The following CARS2 variants were observed in gnomAD, a reference collection of about 807,000 sequenced individuals.
CARS2 encodes probable cysteine--tRNA ligase, mitochondrial.
A neutral mutation model predicts 68.8 loss-of-function variants in CARS2; 52 were observed. That is an observed-to-expected ratio of 0.76 (90% confidence interval 0.61 to 0.95). The LOEUF (loss-of-function observed/expected upper bound fraction) is 0.95. Among genes scored for constraint, CARS2 ranks in the 40% least tolerant of loss-of-function variants. CARS2 has a pLI of 0.00. For missense variants in CARS2, 780 were observed against 754.2 expected (o/e 1.03, Z -0.40); for synonymous variants, 314 against 303.6 (o/e 1.03, Z -0.36).
intron 1 of CARS2, chr13:110,712,860 G>A (rs1430646224): frequency 2.0e-5 from 25 of 1,246,326 alleles, no homozygotes; most frequent in East Asian, 5.1e-5. Flanking sequence ...AGGCCCCTTT[G>A]TCTCCAAGCC....
At chr13:110,692,313 T>C (rs112979693) in intron 3 of CARS2, among the ~76,000 whole-genome samples, 3,133 of 151,592 alleles carry the variant, frequency 0.021, 131 homozygotes, top group African/African-American at 0.071. Context: ...CTACTAAAAA[T>C]ACAGAAAATT....
At chr13:110,699,710 G>A (rs1174230857) in intron 3 of CARS2, among the ~76,000 whole-genome samples, 1 of 152,240 alleles carries the variant, frequency 6.6e-6, no homozygotes, top group African/African-American at 2.4e-5. Flanking sequence ...ACAGCATGTG[G>A]GGCAAAGAGT....
intron 9 of CARS2, among the ~76,000 whole-genome samples, chr13:110,661,179 T>G (rs1250203072): frequency 6.6e-6 from 1 of 152,248 alleles, no homozygotes; most frequent in Non-Finnish European, 1.5e-5. Flanking sequence ...TTTGAAGCTC[T>G]GAAGCCAGCC....
rs759714260 is a variant in CARS2, at chr13:110,701,466, T to C, written c.365A>G (p.Asp122Gly). 3.2e-6 allele frequency: 5 copies of C among 1,547,674 alleles called. No individual in the cohort carries two copies. The South Asian group carries it at 5.6e-5, about 17-fold the overall frequency. The change falls in exon 3 of 15, where the codon GAT becomes GGT. Residue 122 changes from aspartate to glycine, a missense_variant. Physicochemically the swap from Asp to Gly is moderately conservative, Grantham distance 94. Coordinates refer to ENST00000257347, the MANE Select transcript of CARS2 (RefSeq NM_024537.4). ...IVMVMGITDV[D>G]DKIIKRANEM... is the part of the protein sequence containing the mutation. Reference sequence around the variant, plus strand: ...ATTGGCTCTTTTGATGATTTTATCATCTACATCTGTAATACCCATCACCAT... The same window carrying C: ...ATTGGCTCTTTTGATGATTTTATCACCTACATCTGTAATACCCATCACCAT...
intron 7 of CARS2, among the ~76,000 whole-genome samples, chr13:110,673,696 G>A (rs2139792631): frequency 6.6e-6 from 1 of 151,764 alleles, no homozygotes. Flanking sequence ...TTAACATAGT[G>A]TTGGAAGTTC....
At chr13:110,707,014 T>C (rs1180141493), upstream of CARS2, among the ~76,000 whole-genome samples, 2 of 149,396 alleles carry the variant, frequency 1.3e-5, no homozygotes, top group East Asian at 2.0e-4. Flanking sequence ...GCACACACCA[T>C]GTCTGCACCC....
intron 2 of CARS2, among the ~76,000 whole-genome samples, chr13:110,702,054 TACTAC>T (rs1180405905): frequency 6.6e-6 from 1 of 152,244 alleles, no homozygotes; most frequent in Non-Finnish European, 1.5e-5. Flanking sequence ...CTTATTTATA[TACTAC>T]ACTGGGGTAA....
At chr13:110,643,243 C>A (rs928472353) in intron 13 of CARS2, 6 of 167,466 alleles carry the variant, frequency 3.6e-5, no homozygotes, top group African/African-American at 1.4e-4. Context: ...TTGACAAGGG[C>A]TAGGCAGAGC....
intron 1 of CARS2, among the ~76,000 whole-genome samples, chr13:110,711,729 G>A (rs948887710): frequency 5.3e-5 from 8 of 152,336 alleles, no homozygotes; most frequent in Non-Finnish European, 1.2e-4. Context: ...AAAGTGTAAA[G>A]AGTATCCATC....
intron 8 of CARS2, chr13:110,664,892 G>A (rs1050076039): frequency 2.4e-5 from 15 of 616,188 alleles, no homozygotes; most frequent in Admixed American, 1.9e-4. Flanking sequence ...CTGCCAGTGC[G>A]CTGACGCAGG....
intron 9 of CARS2, chr13:110,662,844 T>C (rs971058306): frequency 2.7e-6 from 1 of 366,828 alleles, no homozygotes; most frequent in Non-Finnish European, 5.4e-6. Flanking sequence ...GAGATCTGGA[T>C]ACTATTCTTC....
At chr13:110,664,084 T>C in intron 8 of CARS2, 1 of 985,238 alleles carries the variant, frequency 1.0e-6, no homozygotes, top group Non-Finnish European at 1.2e-6. Flanking sequence ...CCAAACTCAT[T>C]TAAGGAACTC....
intron 13 of CARS2, chr13:110,643,491 T>G (rs948316564): frequency 6.5e-6 from 1 of 153,310 alleles, no homozygotes; most frequent in Non-Finnish European, 1.5e-5. Flanking sequence ...GAGACATGTT[T>G]GGCCCAGAGC....
intron 3 of CARS2, among the ~76,000 whole-genome samples, chr13:110,697,172 C>T (rs1394951365): frequency 6.6e-6 from 1 of 152,264 alleles, no homozygotes; most frequent in East Asian, 1.9e-4. Flanking sequence ...AAGCCCCGAA[C>T]CACTGACCTT....
chr13:110,704,488 C>T (rs779892310), intron 2 of CARS2, among the ~76,000 whole-genome samples: 3 of 152,182 alleles, frequency 2.0e-5, no homozygotes, highest in Non-Finnish European at 4.4e-5. Flanking sequence ...CTTTGGGAGG[C>T]CAAGGCAGGT....
In CARS2 at chr13:110,653,875, CTGCTCTG is replaced by C. The variant is rs1276544895; in HGVS notation, c.988-2782_988-2776del. On this transcript the variant is annotated intron_variant, in intron 9 of 14. Transcript: ENST00000257347. This position sits in a 1 kb window ranked among gnomAD's most constrained non-coding sequence, Gnocchi z 5.6. ...CGGACATTAATTTTTTAGCGTGTTC[CTGCTCTG>C]TGCCGGCTGATATCAGCAAGTTTCT... Among the ~76,000 whole-genome samples, 1 of 152,196 alleles carries C rather than the reference CTGCTCTG, an allele frequency of 6.6e-6. No individual in the cohort carries two copies. Among genetic ancestry groups the C allele is most frequent in the Admixed American group, 6.5e-5 (1 of 15,278 alleles).
At chr13:110,643,524 G>C (rs1052503168) in intron 13 of CARS2, 1 of 153,456 alleles carries the variant, frequency 6.5e-6, no homozygotes, top group African/African-American at 2.4e-5. Context: ...ACACCTGCTT[G>C]GGCCCCAGTC....
At chr13:110,692,033 CACAT>C (rs35871356) in intron 3 of CARS2, among the ~76,000 whole-genome samples, 61,041 of 126,082 alleles carry the variant, frequency 0.48, 16,514 homozygotes, top group Non-Finnish European at 0.6. Context: ...TACACACACA[CACAT>C]ATATATATAT....
At position 110,649,540 on chromosome 13, in the gene CARS2, T is replaced by C. The variant is rs374501296; in HGVS notation, c.1054+1494A>G. ...TGTGACATAAAGTGTGCTGGCCAGATAGATTCACCCCATGGGGGAATGAGA... is the reference window on the plus strand; with the variant it reads ...TGTGACATAAAGTGTGCTGGCCAGACAGATTCACCCCATGGGGGAATGAGA... On this transcript the variant is annotated intron_variant, in intron 10 of 14. Transcript: ENST00000257347. Among the ~76,000 whole-genome samples the C allele has an allele frequency of 2.6e-4, 39 of 152,256 alleles. 1 individual carries two copies. The South Asian group carries it at 8.1e-3, about 32-fold the overall frequency.
Sources: gnomAD v4.1 joint callset for allele counts (sites outside exome capture counted in the v4.1 genomes callset) on GRCh38, gnomAD v4.1.1 for gene constraint, Gnocchi (gnomAD v3.1) non-coding constraint, MANE v1.5 for transcripts, NCBI Gene and HGNC (gene_info 2026-07-23, HGNC 2026-07-21) for gene names.